Variants in NRG1 observed in about 807,000 individuals in gnomAD.
NRG1 encodes the protein neuregulin 1.
In NRG1, 18 loss-of-function variants were observed where a neutral mutation model predicts 63.8. The ratio of observed to expected loss-of-function variants is 0.28; its 90% CI spans 0.19 to 0.42. The LOEUF is 0.42. Ranked by LOEUF, NRG1 falls within the 10% of genes least tolerant of loss-of-function variation. The pLI, the probability that NRG1 is intolerant of heterozygous loss-of-function variation, is 1.00. For missense variants in NRG1, 762 were observed against 814.7 expected (o/e 0.94, Z 0.79); for synonymous variants, 302 against 301.3 (o/e 1.00, Z -0.02).
At chr8:32,061,743 G>C (rs1823905697) in intron 1 of NRG1, 1 of 152,012 alleles carries the variant, frequency 6.6e-6, no homozygotes, top group African/African-American at 2.4e-5. Flanking sequence ...GCTAGTGAAG[G>C]AAGGAGGCAT....
At chr8:32,648,509 T>C in intron 5 of NRG1, 1 of 1,360,084 alleles carries the variant, frequency 7.4e-7, no homozygotes, top group Admixed American at 2.6e-5. Flanking sequence ...GCAAAGCCTA[T>C]GTTTGAGATG....
At chr8:32,366,677 G>GTGTGTATATATATATATATA (rs1164696498) in intron 1 of NRG1, among the ~76,000 whole-genome samples, 9 of 87,500 alleles carry the variant, frequency 1.0e-4, no homozygotes, top group Non-Finnish European at 1.6e-4. Flanking sequence ...GTGTGTGTGT[G>GTGTGTATATATATATATATA]TATATATATA....
intron 1 of NRG1, among the ~76,000 whole-genome samples, chr8:32,461,889 T>A (rs2129489199): frequency 6.6e-6 from 1 of 152,176 alleles, no homozygotes; most frequent in East Asian, 1.9e-4. Context: ...GAAACCACAG[T>A]TTACCTCTCT....
intron 1 of NRG1, among the ~76,000 whole-genome samples, chr8:32,133,723 G>T (rs1835150597): frequency 6.6e-6 from 1 of 152,124 alleles, no homozygotes; most frequent in African/African-American, 2.4e-5. Flanking sequence ...GTTTGAGAAT[G>T]AAATGTTTGT....
chr8:32,091,335 T>A (rs1467081932), intron 1 of NRG1, among the ~76,000 whole-genome samples: 2 of 151,668 alleles, frequency 1.3e-5, no homozygotes, highest in Non-Finnish European at 2.9e-5. Context: ...CTACAACCTC[T>A]CAGTGCTAAC....
At chr8:31,659,646 C>T (rs1298838556) in intron 1 of NRG1, among the ~76,000 whole-genome samples, 4 of 152,238 alleles carry the variant, frequency 2.6e-5, no homozygotes, top group Admixed American at 2.0e-4. Flanking sequence ...ACAAAACAAA[C>T]TCCCCAATCT....
At chr8:31,834,011 G>C (rs769888274) in intron 1 of NRG1, among the ~76,000 whole-genome samples, 9 of 152,278 alleles carry the variant, frequency 5.9e-5, no homozygotes, top group Admixed American at 4.6e-4. Flanking sequence ...TGGCTTGCAG[G>C]TGGGTTCTTG....
intron 1 of NRG1, among the ~76,000 whole-genome samples, chr8:31,749,993 G>A (rs7821017): frequency 2.0e-5 from 3 of 151,518 alleles, no homozygotes; most frequent in Admixed American, 6.6e-5. Context: ...GTTTCTCCAC[G>A]TTGCTTGTAG....
chr8:32,088,335 A>T (rs2131236871), intron 1 of NRG1, among the ~76,000 whole-genome samples: 1 of 152,318 alleles, frequency 6.6e-6, no homozygotes, highest in Admixed American at 6.5e-5. Context: ...TGGAAAATAA[A>T]TTCCAGACGA....
At chr8:32,057,856 C>T (rs898346551) in intron 1 of NRG1, among the ~76,000 whole-genome samples, 2 of 152,232 alleles carry the variant, frequency 1.3e-5, no homozygotes, top group Middle Eastern at 6.8e-3. Context: ...TAATGAATGA[C>T]ACCTTACCCT....
chr8:32,631,418 A>G (rs568660049), intron 5 of NRG1, among the ~76,000 whole-genome samples: 1 of 152,280 alleles, frequency 6.6e-6, no homozygotes, highest in African/African-American at 2.4e-5. Flanking sequence ...TGCACTGGCA[A>G]TGATCCTATT....
At chr8:31,717,282 C>T (rs1812444839) in intron 1 of NRG1, among the ~76,000 whole-genome samples, 1 of 151,838 alleles carries the variant, frequency 6.6e-6, no homozygotes, top group African/African-American at 2.4e-5. Context: ...TGGTGCACAC[C>T]TGTAATCCCT....
intron 1 of NRG1, among the ~76,000 whole-genome samples, chr8:32,291,248 G>A (rs750426149): frequency 4.6e-5 from 7 of 152,134 alleles, no homozygotes; most frequent in Non-Finnish European, 1.0e-4. Flanking sequence ...CTAATCTAAA[G>A]CCACCCTCAC....
chr8:32,494,185 C>A (rs192205039), intron 1 of NRG1, among the ~76,000 whole-genome samples: 23 of 152,216 alleles, frequency 1.5e-4, no homozygotes, highest in Non-Finnish European at 3.4e-4. Flanking sequence ...TTATAAGCAT[C>A]CCTTTAAAAT....
At chr8:32,356,161 A>G (rs1020965389) in intron 1 of NRG1, among the ~76,000 whole-genome samples, 1 of 152,202 alleles carries the variant, frequency 6.6e-6, no homozygotes, top group Admixed American at 6.5e-5. Context: ...TGCTTGCTTG[A>G]TTAATTGGTA....
At chr8:32,347,655 T>C (rs777913853) in intron 1 of NRG1, among the ~76,000 whole-genome samples, 10 of 152,190 alleles carry the variant, frequency 6.6e-5, no homozygotes, top group Non-Finnish European at 1.3e-4. Context: ...TGCTTTTCCA[T>C]GGACTTGGAA....
At chr8:32,508,966 C>G (rs1828857693) in intron 1 of NRG1, among the ~76,000 whole-genome samples, 1 of 151,832 alleles carries the variant, frequency 6.6e-6, no homozygotes, top group African/African-American at 2.4e-5. Flanking sequence ...AACTCCTGAC[C>G]TCAAACGATT....
At chr8:32,745,570 T>G (rs1345375496) in intron 7 of NRG1, among the ~76,000 whole-genome samples, 1 of 152,116 alleles carries the variant, frequency 6.6e-6, no homozygotes, top group East Asian at 1.9e-4. Flanking sequence ...TTATAGTACT[T>G]TCTAGGAAAA....
chr8:31,894,123 G>A (rs1469008774), intron 1 of NRG1, among the ~76,000 whole-genome samples: 1 of 151,998 alleles, frequency 6.6e-6, no homozygotes, highest in Non-Finnish European at 1.5e-5. Flanking sequence ...AAGAAAGAAA[G>A]GTAATGTAAT....
Sources: gnomAD v4.1 joint callset for allele counts (sites outside exome capture counted in the v4.1 genomes callset) on GRCh38, gnomAD v4.1.1 for gene constraint, MANE v1.5 for transcripts, NCBI Gene and HGNC (gene_info 2026-07-23, HGNC 2026-07-21) for gene names.